CAMK4: variants seen among roughly 807,000 people sequenced by gnomAD.
CAMK4 encodes calcium/calmodulin-dependent protein kinase type IV.
Under a neutral mutation model 44.9 loss-of-function variants are expected in CAMK4, and 22 were observed. The observed-to-expected ratio is 0.49, with a 90% CI of 0.35 to 0.70. CAMK4 has a LOEUF of 0.70. CAMK4 is among the 30% of genes least tolerant of loss of function. The pLI is 0.01. For synonymous variants in CAMK4, 218 were observed against 215.4 expected, an observed-to-expected ratio of 1.01 and a Z score of -0.11; for missense variants, 498 against 586.8, an observed-to-expected ratio of 0.85 and a Z score of 1.56.
intron 1 of CAMK4, among the ~76,000 whole-genome samples, chr5:111,341,681 A>G (rs1460392716): frequency 6.6e-6 from 1 of 151,320 alleles, no homozygotes; most frequent in Non-Finnish European, 1.5e-5. Flanking sequence ...CATAGACCTT[A>G]CTGTGCCAAG....
In CAMK4 at chr5:111,484,188, G is replaced by A; in HGVS notation, c.1144G>A (p.Gly382Arg). ...IPEGEKIQGD[G>R]AQAAVKGAQA... ...AGAAGGAGAGAAAATTCAAGGCGAT[G>A]GGGCCCAAGCCGCAGTTAAGGGGGC... Residue 382 changes from glycine (G) to arginine (R), a missense_variant, in exon 11 of 11, where the codon GGG (glycine) becomes AGG (arginine). Physicochemically the swap from Gly to Arg is moderately radical, Grantham distance 125. Around this residue, in one of 3 missense-constraint regions of CAMK4, gnomAD observed 143 missense variants for 144.9 expected, o/e 0.99. Transcript: ENST00000282356. This position sits in a 1 kb window ranked among gnomAD's most constrained non-coding sequence, Gnocchi z 5.3. 1.9e-6 allele frequency: 3 copies of A among 1,614,172 alleles called. No individual in the cohort carries two copies. The highest frequency in any genetic ancestry group is 1.7e-6 in the Non-Finnish European group (2 of 1,180,024).
Position 111,486,641 on chromosome 5 carries a change from C to A in CAMK4, c.*2175C>A, listed in dbSNP as rs1352048667. On this transcript the variant is annotated 3_prime_UTR_variant, in exon 11 of 11. Transcript: ENST00000282356. ...ACACATCATTCCTCCCTGCCCACCC[C>A]CATATTGTTCCAAGGGCAGTTGTTA... The A allele has an allele frequency of 2.0e-5, 3 of 152,090 alleles. No homozygotes were observed. Among genetic ancestry groups the A allele is most frequent in the Non-Finnish European group, 2.9e-5 (2 of 68,042 alleles). 9.4% of individuals were successfully genotyped at this position (152,090 alleles called of 1,614,324 possible).
intron 1 of CAMK4, among the ~76,000 whole-genome samples, chr5:111,286,189 C>T (rs1355203699): frequency 3.3e-5 from 5 of 152,144 alleles, no homozygotes; most frequent in Non-Finnish European, 5.9e-5. Flanking sequence ...ACAGAGCAGC[C>T]TGCACATATC....
intron 1 of CAMK4, among the ~76,000 whole-genome samples, chr5:111,233,860 A>G (rs1271053013): frequency 6.6e-6 from 1 of 152,228 alleles, no homozygotes; most frequent in Non-Finnish European, 1.5e-5. Context: ...AAATTAAATC[A>G]GCCACTCATA....
rs1415236831 is a variant in CAMK4, at chr5:111,240,409, A to C, written c.161+15765A>C. On this transcript the variant is annotated intron_variant, in intron 1 of 10. Coordinates refer to ENST00000282356, the MANE Select transcript of CAMK4 (RefSeq NM_001744.6). The stretch of plus-strand genomic sequence containing the variant: ...ATCACATGGAAGAGACTTATATTTA[A>C]ATGATGTTACTATTAGCCATACCTA... Among the ~76,000 whole-genome samples the C allele has an allele frequency of 4.6e-5, 7 of 152,198 alleles. 1 individual carries two copies. Among genetic ancestry groups the C allele is most frequent in the Admixed American group, 4.6e-4 (7 of 15,282 alleles).
intron 9 of CAMK4, among the ~76,000 whole-genome samples, chr5:111,478,966 C>G (rs1056624532): frequency 1.3e-5 from 2 of 152,200 alleles, no homozygotes; most frequent in Non-Finnish European, 2.9e-5. Context: ...TAGCCTCCAA[C>G]TCCTGGGCTT....
At chr5:111,230,937 G>T (rs1032248892) in intron 1 of CAMK4, among the ~76,000 whole-genome samples, 1 of 151,964 alleles carries the variant, frequency 6.6e-6, no homozygotes, top group African/African-American at 2.4e-5. Flanking sequence ...TATGGTGTTT[G>T]AGGCAAGGAA....
At chr5:111,284,195 A>G (rs1751139050) in intron 1 of CAMK4, among the ~76,000 whole-genome samples, 1 of 152,210 alleles carries the variant, frequency 6.6e-6, no homozygotes. Context: ...TTAAATATCT[A>G]GATTGCTAGA....
chr5:111,445,821 A>G (rs1412428961), intron 5 of CAMK4, among the ~76,000 whole-genome samples: 3 of 152,190 alleles, frequency 2.0e-5, no homozygotes, highest in Non-Finnish European at 4.4e-5. Context: ...TGCTTTTTCT[A>G]TGCATTAGTG....
intron 2 of CAMK4, among the ~76,000 whole-genome samples, chr5:111,368,630 A>G (rs1750886759): frequency 6.6e-6 from 1 of 152,106 alleles, no homozygotes; most frequent in Non-Finnish European, 1.5e-5. Flanking sequence ...GTATGGTCTT[A>G]TCCTTGGCTT....
intron 5 of CAMK4, among the ~76,000 whole-genome samples, chr5:111,403,892 T>G (rs1752322247): frequency 6.6e-6 from 1 of 152,190 alleles, no homozygotes; most frequent in Non-Finnish European, 1.5e-5. Flanking sequence ...TGAGCCACAA[T>G]AGATTCTGGA....
chr5:111,407,632 C>A (rs1752484229), intron 5 of CAMK4, among the ~76,000 whole-genome samples: 1 of 152,130 alleles, frequency 6.6e-6, no homozygotes. Flanking sequence ...ACAAAAACAA[C>A]ACTTTACCCT....
chr5:111,464,661 T>C (rs1411803679), intron 7 of CAMK4, among the ~76,000 whole-genome samples: 1 of 152,198 alleles, frequency 6.6e-6, no homozygotes, highest in Admixed American at 6.5e-5. Context: ...ATTAAAAGAC[T>C]GTATCTAAAC....
intron 2 of CAMK4, among the ~76,000 whole-genome samples, chr5:111,352,354 T>G (rs1300317681): frequency 5.9e-5 from 4 of 68,064 alleles, no homozygotes; most frequent in African/African-American, 1.8e-4. Context: ...TTCAAACTCA[T>G]GCTGTTCACA....
chr5:111,301,185 A>G (rs578169173), intron 1 of CAMK4, among the ~76,000 whole-genome samples: 2 of 152,128 alleles, frequency 1.3e-5, no homozygotes, highest in South Asian at 2.1e-4. Flanking sequence ...ATTTGCTTCT[A>G]TATATTTCAG....
rs550526443 is a variant in CAMK4, at chr5:111,299,382, T to C, written c.162-44642T>C. On this transcript the variant is annotated intron_variant, in intron 1 of 10. Coordinates refer to ENST00000282356, the MANE Select transcript of CAMK4 (RefSeq NM_001744.6). Reference sequence around the variant, plus strand: ...AGAGAGAATAAAGGCATGTCGAAACTCTCTGTGATTCCTCGAGTGTTTTCC... The same window carrying C: ...AGAGAGAATAAAGGCATGTCGAAACCCTCTGTGATTCCTCGAGTGTTTTCC... Among the ~76,000 whole-genome samples the C allele has an allele frequency of 2.0e-5, 3 of 148,554 alleles. No individual in the cohort carries two copies. In the East Asian group the frequency reaches 6.5e-4, roughly 32 times the overall value.
At chr5:111,460,265 C>CTTTTCT (rs1554073540) in intron 7 of CAMK4, among the ~76,000 whole-genome samples, 19 of 122,710 alleles carry the variant, frequency 1.5e-4, no homozygotes, top group African/African-American at 3.7e-4. Context: ...CTTTTCTTTT[C>CTTTTCT]TTTTTCTTTT....
intron 1 of CAMK4, among the ~76,000 whole-genome samples, chr5:111,234,892 G>A (rs1195354419): frequency 6.6e-6 from 1 of 152,208 alleles, no homozygotes; most frequent in Non-Finnish European, 1.5e-5. Flanking sequence ...CACTTTCTTT[G>A]ATATATGTCA....
rs960162314 is a variant in CAMK4, at chr5:111,224,540, C to T, written c.57C>T (p.Ala19=). ...CCTCGTCCTGCTCTTCGGTCACCGC[C>T]AGTGCGGCCCCGGGGACCGCGAGCC... ...CSASSCSSVT[A]SAAPGTASLV... The change falls in exon 1 of 11, where the codon GCC becomes GCT. Residue 19 remains alanine (A), a synonymous_variant. Coordinates refer to ENST00000282356, the MANE Select transcript of CAMK4 (RefSeq NM_001744.6). The surrounding 1 kb of genome is among the most constrained non-coding windows in gnomAD (Gnocchi z 5.7). The T allele has an allele frequency of 4.5e-5, 72 of 1,611,588 alleles. No homozygotes were observed. Among genetic ancestry groups the T allele is most frequent in the Non-Finnish European group, 5.8e-5 (68 of 1,179,376 alleles).
Sources: allele counts gnomAD v4.1 joint callset (sites outside exome capture counted in the v4.1 genomes callset), GRCh38; gene constraint gnomAD v4.1.1; regional missense constraint gnomAD v4.1.1; non-coding constraint Gnocchi (gnomAD v3.1); transcripts MANE v1.5; gene names NCBI Gene and HGNC (gene_info 2026-07-23, HGNC 2026-07-21).